CACNA1E: variants seen among roughly 807,000 people sequenced by gnomAD.
The protein encoded by CACNA1E is voltage-dependent R-type calcium channel subunit alpha-1E.
In CACNA1E, 40 loss-of-function variants were observed where a neutral mutation model predicts 259.2. The observed-to-expected ratio is 0.15, with a 90% CI of 0.12 to 0.20. The LOEUF (loss-of-function observed/expected upper bound fraction) is 0.20. Among genes scored for constraint, CACNA1E ranks in the 10% least tolerant of loss-of-function variants. CACNA1E has a pLI of 1.00. For synonymous variants in CACNA1E, 1,104 were observed against 1,138.5 expected, an observed-to-expected ratio of 0.97 and a Z score of 0.61; for missense variants, 1,874 against 3,040.1, an observed-to-expected ratio of 0.62 and a Z score of 9.02.
chr1:181,335,818 G>A (rs551605679), intron 1 of CACNA1E, among the ~76,000 whole-genome samples: 1 of 152,340 alleles, frequency 6.6e-6, no homozygotes, highest in Non-Finnish European at 1.5e-5. Flanking sequence ...ATGAAGCAGA[G>A]GTATCTGTGA....
chr1:181,461,499 C>T (rs11580585), intron 2 of CACNA1E, among the ~76,000 whole-genome samples: 4,141 of 146,898 alleles, frequency 0.028, 72 homozygotes, highest in Middle Eastern at 0.065. Context: ...CGAGATTGCA[C>T]CACTGCACTC....
intron 1 of CACNA1E, among the ~76,000 whole-genome samples, chr1:181,344,636 G>A (rs530181826): frequency 5.9e-5 from 9 of 152,272 alleles, no homozygotes; most frequent in South Asian, 2.1e-4. Flanking sequence ...GACACACTTG[G>A]CAAGGACAGT....
chr1:181,500,373 T>C (rs1308653704), intron 1 of CACNA1E, among the ~76,000 whole-genome samples: 1 of 152,240 alleles, frequency 6.6e-6, no homozygotes, highest in East Asian at 1.9e-4. Flanking sequence ...ATGTCTCTTC[T>C]AGACTCCATG....
At chr1:181,321,589 A>G (rs75830464) in intron 1 of CACNA1E, among the ~76,000 whole-genome samples, 2,026 of 152,254 alleles carry the variant, frequency 0.013, 60 homozygotes, top group African/African-American at 0.046. Context: ...GACCATCACT[A>G]GTTGATAGTG....
intron 6 of CACNA1E, among the ~76,000 whole-genome samples, chr1:181,641,620 A>T (rs1458233124): frequency 6.6e-6 from 1 of 151,354 alleles, no homozygotes; most frequent in East Asian, 1.9e-4. Context: ...AGTGGTCTTA[A>T]CCTTCAGAGG....
chr1:181,335,133 C>G (rs934376261), intron 1 of CACNA1E, among the ~76,000 whole-genome samples: 1 of 152,220 alleles, frequency 6.6e-6, no homozygotes, highest in Non-Finnish European at 1.5e-5. Context: ...ATCAGTGAGG[C>G]CTTCCCTGAT....
chr1:181,323,313 A>AT (rs1557910333), intron 1 of CACNA1E, among the ~76,000 whole-genome samples: 1 of 152,202 alleles, frequency 6.6e-6, no homozygotes, highest in Non-Finnish European at 1.5e-5. Context: ...ATCAAATTAT[A>AT]TATTCTCTGA....
At chr1:181,742,054 C>T (rs1656626718) in intron 25 of CACNA1E, among the ~76,000 whole-genome samples, 1 of 152,210 alleles carries the variant, frequency 6.6e-6, no homozygotes, top group Admixed American at 6.5e-5. Context: ...ATTCCCTCTC[C>T]CCTTTCTCCG....
intron 1 of CACNA1E, among the ~76,000 whole-genome samples, chr1:181,357,802 C>T (rs563193551): frequency 1.3e-5 from 2 of 152,234 alleles, no homozygotes; most frequent in African/African-American, 4.8e-5. Context: ...CCTGAGGTAC[C>T]CTTGGTGCCT....
chr1:181,493,546 G>A (rs1419434031), intron 1 of CACNA1E, among the ~76,000 whole-genome samples: 1 of 152,034 alleles, frequency 6.6e-6, no homozygotes, highest in African/African-American at 2.4e-5. Flanking sequence ...TTCCCTTCCT[G>A]TTTTCTGTTT....
At chr1:181,326,258 T>C (rs752141881) in intron 1 of CACNA1E, among the ~76,000 whole-genome samples, 3 of 152,262 alleles carry the variant, frequency 2.0e-5, no homozygotes, top group Non-Finnish European at 2.9e-5. Flanking sequence ...TGGTAGATCC[T>C]GAGTTTGAAT....
chr1:181,573,691 G>A (rs1395518500), intron 3 of CACNA1E, among the ~76,000 whole-genome samples: 1 of 152,214 alleles, frequency 6.6e-6, no homozygotes, highest in Non-Finnish European at 1.5e-5. Context: ...ATGTAAATTA[G>A]TTCAACCACT....
chr1:181,798,837 G>T lies in CACNA1E; in HGVS notation c.*3G>T, dbSNP rs1413377341. ...CGGAAGAAGATGACAAATGCTAGAG[G>T]CTGCTCCCCCCTCCGATGCATGCTC... On this transcript the variant is annotated 3_prime_UTR_variant, in exon 48 of 48. Coordinates refer to ENST00000367573, the MANE Select transcript of CACNA1E (RefSeq NM_001205293.3). This position sits in a 1 kb window ranked among gnomAD's most constrained non-coding sequence, Gnocchi z 4.2. The T allele has an allele frequency of 6.6e-7, 1 of 1,507,108 alleles. No individual in the cohort carries two copies. Among genetic ancestry groups the T allele is most frequent in the Non-Finnish European group, 8.8e-7 (1 of 1,130,580 alleles). 93.4% of individuals were successfully genotyped at this position (1,507,108 alleles called of 1,614,324 possible). A position where few individuals can be genotyped will look rare whatever the true frequency, so the allele number is the denominator to read the frequency against.
chr1:181,515,939 C>T (rs1268640027), intron 3 of CACNA1E, among the ~76,000 whole-genome samples: 1 of 152,132 alleles, frequency 6.6e-6, no homozygotes, highest in Non-Finnish European at 1.5e-5. Context: ...AAGGCTGGGG[C>T]TGGGGTAAAG....
At chr1:181,407,529 T>A (rs1460334792) in intron 1 of CACNA1E, among the ~76,000 whole-genome samples, 1 of 152,192 alleles carries the variant, frequency 6.6e-6, no homozygotes, top group Non-Finnish European at 1.5e-5. Context: ...TGCATGAGAA[T>A]CTCTGAAGAG....
chr1:181,341,576 G>A (rs1652156504), intron 1 of CACNA1E, among the ~76,000 whole-genome samples: 1 of 152,176 alleles, frequency 6.6e-6, no homozygotes, highest in Non-Finnish European at 1.5e-5. Context: ...AGCTCAACCA[G>A]CCTGCAAGGG....
intron 2 of CACNA1E, among the ~76,000 whole-genome samples, chr1:181,423,123 A>C (rs1192974821): frequency 2.0e-5 from 3 of 152,180 alleles, no homozygotes; most frequent in African/African-American, 7.2e-5. Context: ...CATCAGCCTC[A>C]TCCCTACAAC....
chr1:181,391,943 CTCTGTGTGTGTGTGTG>C (rs1429846470), intron 1 of CACNA1E, among the ~76,000 whole-genome samples: 56 of 125,048 alleles, frequency 4.5e-4, no homozygotes, highest in Admixed American at 2.4e-4. Context: ...CTCTCTCTCT[CTCTGTGTGTGTGTGTG>C]TGTGTGTGTG....
At chr1:181,475,768 T>C (rs574953235) in intron 2 of CACNA1E, among the ~76,000 whole-genome samples, 1 of 152,170 alleles carries the variant, frequency 6.6e-6, no homozygotes, top group African/African-American at 2.4e-5. Flanking sequence ...CTTTGAAGGA[T>C]TTACAATGAC....
Sources: gnomAD v4.1 joint callset for allele counts (sites outside exome capture counted in the v4.1 genomes callset) on GRCh38, gnomAD v4.1.1 for gene constraint, Gnocchi (gnomAD v3.1) non-coding constraint, MANE v1.5 for transcripts, NCBI Gene and HGNC (gene_info 2026-07-23, HGNC 2026-07-21) for gene names.